Variants in VWF observed in about 807,000 individuals in gnomAD.
VWF encodes von Willebrand factor.
In VWF, 176 loss-of-function variants were observed where a neutral mutation model predicts 308.6. The ratio of observed to expected loss-of-function variants is 0.57; its 90% CI spans 0.50 to 0.65. The LOEUF (loss-of-function observed/expected upper bound fraction) is 0.65. VWF is among the 30% of genes least tolerant of loss of function. VWF has a pLI of 0.00. For synonymous variants in VWF, 1,385 were observed against 1,443.4 expected (o/e 0.96, Z 0.92); for missense variants, 3,146 against 3,648.2 (o/e 0.86, Z 3.55).
At chr12:5,954,401 A>G (rs1394544944) in intron 47 of VWF, among the ~76,000 whole-genome samples, 2 of 152,254 alleles carry the variant, frequency 1.3e-5, no homozygotes, top group African/African-American at 4.8e-5. Flanking sequence ...AAGCACTGGA[A>G]GAAGACCAAA....
intron 47 of VWF, among the ~76,000 whole-genome samples, chr12:5,966,688 G>A (rs1414845010): frequency 1.3e-5 from 2 of 149,710 alleles, no homozygotes; most frequent in Non-Finnish European, 2.9e-5. Flanking sequence ...AGGGAGACAA[G>A]CACTTCCCTG....
intron 22 of VWF, among the ~76,000 whole-genome samples, chr12:6,026,488 C>G (rs1340884829): frequency 6.6e-6 from 1 of 152,120 alleles, no homozygotes; most frequent in East Asian, 1.9e-4. Flanking sequence ...AAGGTGAGTC[C>G]CCTTGCCTGG....
intron 48 of VWF, among the ~76,000 whole-genome samples, chr12:5,953,122 G>A (rs1317873981): frequency 6.6e-6 from 1 of 152,214 alleles, no homozygotes; most frequent in Non-Finnish European, 1.5e-5. Flanking sequence ...AGCTACTCGG[G>A]AGGCTGAGAC....
Position 5,994,523 on chromosome 12 carries a change from C to G in VWF, c.6148G>C (p.Val2050Leu). ...ATGTGACCAAGGTGATTGAATCTGA[C>G]CTCATGCATGATGGCACCATAAACG... ...VNVYGAIMHE[V>L]RFNHLGHIFT... The change falls in exon 36 of 52, where the codon GTC becomes CTC. Residue 2050 changes from valine to leucine, a missense_variant. This residue lies in a region of VWF where 989 missense variants were observed against 1,117.4 expected (regional missense o/e 0.89). Transcript: ENST00000261405. 1.2e-6 allele frequency: 2 copies of G among 1,614,048 alleles called. No individual in the cohort carries two copies. Among genetic ancestry groups the G allele is most frequent in the South Asian group, 2.2e-5 (2 of 91,082 alleles).
chr12:5,984,935 C>T (rs1943660586), intron 40 of VWF, 110 bp downstream of exon 40: 4 of 1,225,962 alleles, frequency 3.3e-6, no homozygotes, highest in African/African-American at 3.0e-5. Flanking sequence ...TACCCACCTC[C>T]TTTCACACAC....
intron 34 of VWF, among the ~76,000 whole-genome samples, chr12:6,005,819 G>T (rs1202608610): frequency 1.3e-5 from 2 of 152,174 alleles, no homozygotes; most frequent in Non-Finnish European, 2.9e-5. Flanking sequence ...CACAAAAGCT[G>T]AAAGAGTTCA....
intron 5 of VWF, among the ~76,000 whole-genome samples, chr12:6,099,723 C>A (rs1945140883): frequency 6.6e-6 from 1 of 151,796 alleles, no homozygotes; most frequent in Admixed American, 6.6e-5. Context: ...CTTCCTTACA[C>A]CTTATACAAA....
intron 22 of VWF, among the ~76,000 whole-genome samples, chr12:6,026,889 C>T (rs1364974758): frequency 3.3e-5 from 5 of 152,018 alleles, no homozygotes; most frequent in African/African-American, 7.3e-5. Flanking sequence ...TAAATACATA[C>T]AGTTAAATGT....
intron 6 of VWF, among the ~76,000 whole-genome samples, chr12:6,082,503 T>G (rs934924265): frequency 5.3e-5 from 8 of 152,212 alleles, no homozygotes; most frequent in African/African-American, 1.9e-4. Context: ...GCTGCCTCCT[T>G]ACATATTTTA....
At chr12:6,119,702 C>A (rs1368046974) in intron 3 of VWF, among the ~76,000 whole-genome samples, 1 of 152,076 alleles carries the variant, frequency 6.6e-6, no homozygotes, top group East Asian at 1.9e-4. Context: ...AAAAATTAGC[C>A]AAGCATGGTG....
chr12:6,114,182 G>T (rs1418480629), intron 3 of VWF, among the ~76,000 whole-genome samples: 1 of 152,142 alleles, frequency 6.6e-6, no homozygotes, highest in Non-Finnish European at 1.5e-5. Flanking sequence ...TTCTCCTGGG[G>T]ATGCAGAAAG....
intron 5 of VWF, among the ~76,000 whole-genome samples, chr12:6,098,954 A>G (rs1197708444): frequency 2.0e-5 from 3 of 151,758 alleles, no homozygotes; most frequent in African/African-American, 7.3e-5. Context: ...TGAGACCCCC[A>G]TTGTGAAGCT....
In VWF at chr12:6,063,099, C is replaced by G; in HGVS notation, c.1433-45G>C. The G allele has an allele frequency of 2.6e-6, 4 of 1,533,108 alleles. No homozygotes were observed. Among genetic ancestry groups the G allele is most frequent in the Non-Finnish European group, 3.6e-6 (4 of 1,111,622 alleles). 95.0% of individuals were successfully genotyped at this position (1,533,108 alleles called of 1,614,324 possible). On this transcript the variant is annotated intron_variant, in intron 12 of 51. Transcript: ENST00000261405. The surrounding 1 kb of genome is among the most constrained non-coding windows in gnomAD (Gnocchi z 4.9). ...GACTCAGGCAGAGGTGGGGAGAGGACAGGGTGGTGGCAGGCAGATGTATTT... is the reference window on the plus strand; with the variant it reads ...GACTCAGGCAGAGGTGGGGAGAGGAGAGGGTGGTGGCAGGCAGATGTATTT...
rs113078775 is a variant in VWF at position 6,073,786 on chromosome 12, G to A, written c.875-45C>T. The A allele has an allele frequency of 1.9e-3, 2,994 of 1,612,202 alleles. 28 individuals carry two copies. In the African/African-American group the frequency reaches 0.021, roughly 11 times the overall value. On this transcript the variant is annotated intron_variant, in intron 7 of 51. Coordinates refer to ENST00000261405, the MANE Select transcript of VWF (RefSeq NM_000552.5). ...GGGTCTACCCAGGGCAGGTCCCACC[G>A]GTGCATCATCTCACCAGCCATGCCA...
At chr12:6,025,558 C>G (rs1179913850) in intron 24 of VWF, 22 bp downstream of exon 24, 30 of 1,494,140 alleles carry the variant, frequency 2.0e-5, no homozygotes, top group Non-Finnish European at 2.6e-5. Flanking sequence ...CGTCTGCTTC[C>G]CACTACCCTC....
intron 49 of VWF, 75 bp from the exon 50 acceptor site, chr12:5,951,958 T>C: frequency 6.9e-7 from 1 of 1,458,790 alleles, no homozygotes; most frequent in African/African-American, 1.4e-5. Flanking sequence ...TCCGGGCCAA[T>C]TTTTAGCTCC....
At chr12:6,104,495 G>A (rs927248925) in intron 5 of VWF, among the ~76,000 whole-genome samples, 1 of 151,832 alleles carries the variant, frequency 6.6e-6, no homozygotes, top group African/African-American at 2.4e-5. Context: ...AGACCAGCCT[G>A]GCCAACATGG....
At chr12:6,040,210 G>A (rs1253844525) in intron 18 of VWF, among the ~76,000 whole-genome samples, 1 of 152,130 alleles carries the variant, frequency 6.6e-6, no homozygotes, top group Non-Finnish European at 1.5e-5. Flanking sequence ...ACCTAGTGGT[G>A]GTAGCAGGTA....
chr12:6,017,000 G>T (rs1237615624), intron 28 of VWF, 130 bp from the exon 29 acceptor site: 3 of 962,916 alleles, frequency 3.1e-6, no homozygotes, highest in Non-Finnish European at 5.0e-6. Context: ...GGGGCGGGGG[G>T]TGCCTTCGTG....
Sources: gnomAD v4.1 joint callset for allele counts (sites outside exome capture counted in the v4.1 genomes callset) on GRCh38, gnomAD v4.1.1 for gene constraint, gnomAD v4.1.1 regional missense constraint, Gnocchi (gnomAD v3.1) non-coding constraint, MANE v1.5 for transcripts, NCBI Gene and HGNC (gene_info 2026-07-23, HGNC 2026-07-21) for gene names.